The following ABL1 variants were observed in gnomAD, a reference collection of about 807,000 sequenced individuals.
ABL1 encodes the protein ABL proto-oncogene 1, non-receptor tyrosine kinase.
ABL1 carries 11 observed loss-of-function variants against 94.7 expected under a neutral mutation model. The observed-to-expected ratio is 0.12, with a 90% CI of 0.07 to 0.19. ABL1 has a LOEUF of 0.19. ABL1 is among the 10% of genes least tolerant of loss of function. The pLI, the probability that ABL1 is intolerant of heterozygous loss-of-function variation, is 1.00. For synonymous variants in ABL1, 656 were observed against 622.4 expected (o/e 1.05, Z -0.80); for missense variants, 1,082 against 1,489.4 (o/e 0.73, Z 4.50).
At chr9:130,870,820 A>G (rs1831239944) in intron 4 of ABL1, among the ~76,000 whole-genome samples, 1 of 152,200 alleles carries the variant, frequency 6.6e-6, no homozygotes, top group Non-Finnish European at 1.5e-5. Context: ...CTGAGCTAAG[A>G]GATAATGGGC....
Position 130,884,429 on chromosome 9 carries a change from C to T in ABL1, c.2139C>T (p.Phe713=), listed in dbSNP as rs368343708. 1.4e-5 allele frequency: 23 copies of T among 1,612,294 alleles called. No individual in the cohort carries two copies. The African/African-American group carries it at 2.4e-4, about 17-fold the overall frequency. Residue 713 remains phenylalanine (F), a synonymous_variant, in exon 11 of 11, where the codon TTC becomes TTT. Coordinates refer to ENST00000318560, the MANE Select transcript of ABL1 (RefSeq NM_005157.6). The surrounding 1 kb of genome is among the most constrained non-coding windows in gnomAD (Gnocchi z 5.6). ...EEGGGSSSKR[F]LRSCSASCVP... ...GCGGTGGCAGCTCCAGCAAGCGCTT[C>T]CTGCGCTCTTGCTCCGCCTCCTGCG...
chr9:130,874,795 G>A, intron 6 of ABL1, 73 bp from the exon 7 acceptor site: 1 of 1,491,278 alleles, frequency 6.7e-7, no homozygotes, highest in Non-Finnish European at 9.3e-7. Flanking sequence ...TTGCACCTTT[G>A]CTCAGCAGTG....
At chr9:130,776,248 T>TTAA (rs1832308908) in intron 1 of ABL1, among the ~76,000 whole-genome samples, 1 of 152,334 alleles carries the variant, frequency 6.6e-6, no homozygotes, top group South Asian at 2.1e-4. Context: ...CTGAGTCCTG[T>TTAA]TAATACTCAA....
Position 130,835,781 on chromosome 9 carries a change from CG to C in ABL1, c.79+257del, listed in dbSNP as rs1830570189. Among the ~76,000 whole-genome samples, 1 of 152,102 alleles carries C rather than the reference CG, an allele frequency of 6.6e-6. No homozygotes were observed. Among genetic ancestry groups the C allele is most frequent in the South Asian group, 2.1e-4 (1 of 4,830 alleles). Reference sequence around the variant, plus strand: ...TCTCTCTCTGTCTCTTTCTCTTTCTCGCGATGGCCCCTAGGCGCCGCCGGCG... The same window carrying C: ...TCTCTCTCTGTCTCTTTCTCTTTCTCCGATGGCCCCTAGGCGCCGCCGGCG... On this transcript the variant is annotated intron_variant, in intron 1 of 10. Transcript: ENST00000318560. The surrounding 1 kb of genome is among the most constrained non-coding windows in gnomAD (Gnocchi z 4.6).
intron 1 of ABL1, among the ~76,000 whole-genome samples, chr9:130,757,583 G>C (rs1323492566): frequency 1.6e-5 from 2 of 126,086 alleles, no homozygotes; most frequent in Non-Finnish European, 3.1e-5. Flanking sequence ...CTGTCACCCA[G>C]GCTGGAGTGT....
intron 1 of ABL1, among the ~76,000 whole-genome samples, chr9:130,848,674 C>T (rs1830812427): frequency 6.6e-6 from 1 of 151,768 alleles, no homozygotes; most frequent in Non-Finnish European, 1.5e-5. Context: ...CGGTGGCTCA[C>T]GCCGATAATC....
At chr9:130,737,543 A>G (rs1024385686) in intron 1 of ABL1, among the ~76,000 whole-genome samples, 4 of 152,284 alleles carry the variant, frequency 2.6e-5, no homozygotes, top group African/African-American at 9.6e-5. Flanking sequence ...TGCTAGGATT[A>G]CAGGTGTGAG....
chr9:130,740,760 A>C (rs1347438186), intron 1 of ABL1, among the ~76,000 whole-genome samples: 1 of 148,420 alleles, frequency 6.7e-6, no homozygotes, highest in Non-Finnish European at 1.5e-5. Flanking sequence ...GGCTGAAGGG[A>C]TCCTCCCACC....
intron 3 of ABL1, among the ~76,000 whole-genome samples, chr9:130,856,056 C>T (rs1400682975): frequency 6.6e-6 from 1 of 152,134 alleles, no homozygotes; most frequent in African/African-American, 2.4e-5. Context: ...GTTGGGACCA[C>T]AGGCGCACAC....
intron 1 of ABL1, among the ~76,000 whole-genome samples, chr9:130,766,644 C>T (rs954408199): frequency 2.6e-5 from 4 of 152,164 alleles, no homozygotes; most frequent in African/African-American, 9.7e-5. Context: ...AGGGCCTTGC[C>T]ACCCTCTAGC....
chr9:130,766,146 C>T (rs902318896), intron 1 of ABL1, among the ~76,000 whole-genome samples: 3 of 152,198 alleles, frequency 2.0e-5, no homozygotes, highest in Non-Finnish European at 4.4e-5. Context: ...CCGTGGCATG[C>T]GTTGGTGCGC....
intron 1 of ABL1, among the ~76,000 whole-genome samples, chr9:130,846,629 A>ATGT (rs1210496928): frequency 6.6e-6 from 1 of 152,174 alleles, no homozygotes; most frequent in Non-Finnish European, 1.5e-5. Context: ...GGGAACTATG[A>ATGT]TGTTGGGCAC....
chr9:130,827,992 C>T (rs1296628267), intron 1 of ABL1, among the ~76,000 whole-genome samples: 1 of 151,030 alleles, frequency 6.6e-6, no homozygotes, highest in Non-Finnish European at 1.5e-5. Context: ...TCTTTGCTAT[C>T]CTTGGAGAGA....
At chr9:130,801,517 A>G (rs977330268) in intron 1 of ABL1, among the ~76,000 whole-genome samples, 5 of 152,194 alleles carry the variant, frequency 3.3e-5, no homozygotes, top group African/African-American at 1.2e-4. Flanking sequence ...TGAGCCACCA[A>G]GCCCAGCTGA....
chr9:130,785,400 C>T (rs1375564345), intron 1 of ABL1, among the ~76,000 whole-genome samples: 2 of 152,168 alleles, frequency 1.3e-5, no homozygotes, highest in African/African-American at 4.8e-5. Flanking sequence ...CTCTGACAAG[C>T]ATGTTTGCCA....
intron 3 of ABL1, among the ~76,000 whole-genome samples, chr9:130,857,567 T>G (rs1478470077): frequency 6.6e-6 from 1 of 152,210 alleles, no homozygotes; most frequent in African/African-American, 2.4e-5. Flanking sequence ...GTACCAAACT[T>G]GTAATTGCTA....
At chr9:130,805,653 A>AG (rs996327498) in intron 1 of ABL1, among the ~76,000 whole-genome samples, 7 of 152,158 alleles carry the variant, frequency 4.6e-5, no homozygotes, top group African/African-American at 1.7e-4. Context: ...CTGTTTAAGG[A>AG]GGGGAGAAGA....
chr9:130,804,355 G>A (rs965245214), intron 1 of ABL1, among the ~76,000 whole-genome samples: 2 of 152,168 alleles, frequency 1.3e-5, no homozygotes, highest in Non-Finnish European at 2.9e-5. Flanking sequence ...GGGAGGCCGA[G>A]GTGGGCAGAT....
intron 1 of ABL1, among the ~76,000 whole-genome samples, chr9:130,783,363 G>C (rs1829782674): frequency 6.6e-6 from 1 of 152,156 alleles, no homozygotes; most frequent in East Asian, 1.9e-4. Context: ...CACTTAGCTT[G>C]GCAGTAATCA....
Sources: allele counts gnomAD v4.1 joint callset (sites outside exome capture counted in the v4.1 genomes callset), GRCh38; gene constraint gnomAD v4.1.1; non-coding constraint Gnocchi (gnomAD v3.1); transcripts MANE v1.5; gene names NCBI Gene and HGNC (gene_info 2026-07-23, HGNC 2026-07-21).